Variants in A2M observed in about 807,000 individuals in gnomAD.
The protein encoded by A2M is alpha-2-macroglobulin.
Under a neutral mutation model 183.9 loss-of-function variants are expected in A2M, and 128 were observed. The ratio of observed to expected loss-of-function variants is 0.70; its 90% CI spans 0.60 to 0.81. A2M has a LOEUF of 0.81. Ranked by LOEUF, A2M falls within the 30% of genes least tolerant of loss-of-function variation. The probability of loss-of-function intolerance (pLI) is 0.00; values close to 1 mark genes in which losing one functional copy is unlikely to be tolerated. For missense variants in A2M, 1,495 were observed against 1,787.6 expected (o/e 0.84, Z 2.95); for synonymous variants, 592 against 670.8 (o/e 0.88, Z 1.81).
chr12:9,093,688 A>T, intron 17 of A2M, 109 bp from the exon 18 acceptor site: 1 of 624,704 alleles, frequency 1.6e-6, no homozygotes, highest in Non-Finnish European at 2.5e-6. Flanking sequence ...TCGTCTGATG[A>T]AATAGAGAGG....
At chr12:9,110,220 A>G in intron 5 of A2M, 94 bp downstream of exon 5, 2 of 1,189,678 alleles carry the variant, frequency 1.7e-6, no homozygotes, top group Non-Finnish European at 2.4e-6. Context: ...CTTTAATGAC[A>G]AGTTTCTGAG....
chr12:9,080,334 A>C (rs1948873950), intron 22 of A2M, 157 bp from the exon 23 acceptor site: 1 of 411,116 alleles, frequency 2.4e-6, no homozygotes, highest in East Asian at 3.6e-5. Flanking sequence ...AATATCTTAA[A>C]AATGGGCTAC....
intron 29 of A2M, 23 bp from the exon 30 acceptor site, chr12:9,072,894 A>C: frequency 6.3e-7 from 1 of 1,599,620 alleles, no homozygotes; most frequent in East Asian, 2.2e-5. Flanking sequence ...GATGAGTGAG[A>C]GAACCCATTG....
chr12:9,083,423 A>G (rs1948966909), intron 22 of A2M, among the ~76,000 whole-genome samples: 1 of 152,160 alleles, frequency 6.6e-6, no homozygotes, highest in African/African-American at 2.4e-5. Flanking sequence ...TCTGCAACTT[A>G]GCTAATATTG....
Position 9,076,751 on chromosome 12 carries a change from C to T in A2M, c.3532+5G>A. ...CCAGGAGAAGGATCTCAGGTGTGCT[C>T]TCACCTTTCTTCACAGCTTCCTCAT... is the stretch of plus-strand genomic sequence containing the variant. On this transcript the variant is annotated splice_donor_5th_base_variant and intron_variant, in intron 28 of 35. Coordinates refer to ENST00000318602, the MANE Select transcript of A2M (RefSeq NM_000014.6). 6.2e-7 allele frequency: 1 copy of T among 1,613,836 alleles called. No homozygotes were observed. Among genetic ancestry groups the T allele is most frequent in the African/African-American group, 1.3e-5 (1 of 75,042 alleles).
At chr12:9,076,676 A>T in intron 28 of A2M, 80 bp downstream of exon 28, 1 of 1,316,796 alleles carries the variant, frequency 7.6e-7, no homozygotes, top group Non-Finnish European at 1.1e-6. Context: ...GGATCACAGG[A>T]GGTAGGAGTG....
intron 22 of A2M, among the ~76,000 whole-genome samples, chr12:9,083,386 T>TA (rs777468305): frequency 1.6e-4 from 23 of 141,512 alleles, no homozygotes; most frequent in South Asian, 6.6e-4. Context: ...ACTTAAAGTA[T>TA]AAAAAAAAAA....
chr12:9,092,366 G>C (rs955293481), intron 18 of A2M, among the ~76,000 whole-genome samples: 5 of 152,168 alleles, frequency 3.3e-5, no homozygotes, highest in African/African-American at 1.2e-4. Flanking sequence ...AGTGAACACA[G>C]AGGTGGTTTT....
chr12:9,096,051 G>A lies in A2M; in HGVS notation c.1852-351C>T, dbSNP rs548449531. Among the ~76,000 whole-genome samples, 320 of 152,186 alleles carry A rather than the reference G, an allele frequency of 2.1e-3. 15 individuals carry two copies. In the South Asian group the frequency reaches 0.064, roughly 30 times the overall value. ...TGGGATTACAGGCGTGAGCCACCGC[G>A]CCCGGCCTTTGTGACATTTTTTAAG... On this transcript the variant is annotated intron_variant, in intron 15 of 35. Transcript: ENST00000318602.
chr12:9,109,587 A>G (rs1938570291), intron 6 of A2M, among the ~76,000 whole-genome samples, 182 bp from the exon 7 acceptor site: 1 of 152,222 alleles, frequency 6.6e-6, no homozygotes, highest in Non-Finnish European at 1.5e-5. Context: ...GGACTATGAG[A>G]GATCACTGTG....
At chr12:9,073,233 C>G (rs1592330701) in intron 29 of A2M, among the ~76,000 whole-genome samples, 1 of 152,240 alleles carries the variant, frequency 6.6e-6, no homozygotes, top group Admixed American at 6.5e-5. Flanking sequence ...TCTGCCACCA[C>G]TCAAGCAAAG....
At chr12:9,089,854 C>T (rs767179910) in intron 21 of A2M, 48 bp downstream of exon 21, 3 of 1,229,538 alleles carry the variant, frequency 2.4e-6, no homozygotes, top group Non-Finnish European at 3.4e-6. Context: ...ATATTACCCA[C>T]ATATATTATA....
intron 28 of A2M, among the ~76,000 whole-genome samples, chr12:9,075,659 T>C (rs1805659): frequency 0.38 from 57,495 of 152,044 alleles, 11,616 homozygotes; most frequent in African/African-American, 0.49. Context: ...GTTTCTTGAA[T>C]AAGAGAGAAA....
At chr12:9,108,417 C>T (rs1033333243) in intron 7 of A2M, among the ~76,000 whole-genome samples, 6 of 152,128 alleles carry the variant, frequency 3.9e-5, no homozygotes, top group Non-Finnish European at 7.3e-5. Context: ...TGAGCCACCA[C>T]GCCGGGCCTG....
rs971224260 is a variant in A2M, at chr12:9,113,453, A to C, written c.177T>G (p.Thr59=). The change falls in exon 2 of 36, where the codon ACT becomes ACG. Residue 59 remains threonine (T), a synonymous_variant. Coordinates refer to ENST00000318602, the MANE Select transcript of A2M (RefSeq NM_000014.6). ...VLLSYLNETV[T]VSASLESVRG... is the part of the protein sequence containing the mutation. ...TGACAGACTCCAAGGAAGCACTTACAGTCACTGTCTCATTCAGGTAGCTCA... is the reference window on the plus strand; with the variant it reads ...TGACAGACTCCAAGGAAGCACTTACCGTCACTGTCTCATTCAGGTAGCTCA... The C allele has an allele frequency of 1.1e-5, 18 of 1,613,898 alleles. No individual in the cohort carries two copies. The highest frequency in any genetic ancestry group is 1.5e-5 in the Non-Finnish European group (18 of 1,179,942).
chr12:9,090,619 C>T (rs1949181803), intron 19 of A2M, 137 bp from the exon 20 acceptor site: 1 of 857,150 alleles, frequency 1.2e-6, no homozygotes, highest in African/African-American at 1.7e-5. Flanking sequence ...AGATCAAGTA[C>T]CTGAAATATA....
At position 9,106,533 on chromosome 12, in the gene A2M, T is replaced by C. The variant is rs1465939580; in HGVS notation, c.952A>G (p.Met318Val). ...ATCTGGGCCTCAGTGTGAAGTTTCATTTCATACTCCTTCCTCTTCAGCTGG... is the reference window on the plus strand; with the variant it reads ...ATCTGGGCCTCAGTGTGAAGTTTCACTTCATACTCCTTCCTCTTCAGCTGG... ...VFQLKRKEYEMKLHTEAQIQE... is the reference protein window; with the variant it reads ...VFQLKRKEYEVKLHTEAQIQE... Residue 318 changes from methionine to valine, a missense_variant, in exon 9 of 36, where the codon ATG becomes GTG. Transcript: ENST00000318602. 6.3e-7 allele frequency: 1 copy of C among 1,599,132 alleles called. No individual in the cohort carries two copies. The highest frequency in any genetic ancestry group is 8.5e-7 in the Non-Finnish European group (1 of 1,171,484).
intron 22 of A2M, among the ~76,000 whole-genome samples, chr12:9,088,956 T>C (rs1405442242): frequency 6.6e-6 from 1 of 152,220 alleles, no homozygotes; most frequent in Non-Finnish European, 1.5e-5. Context: ...TACCATACAC[T>C]GGTCAGAAAG....
At position 9,101,197 on chromosome 12, in the gene A2M, T is replaced by C. The variant is rs776781242; in HGVS notation, c.1505A>G (p.Lys502Arg). Residue 502 changes from lysine to arginine, a missense_variant, in exon 13 of 36, where the codon AAG becomes AGG. Lys to Arg is a conservative substitution (Grantham distance 26). Transcript: ENST00000318602. ...KLSFYYLIMA[K>R]GGIVRTGTHG... is the part of the protein sequence containing the mutation. ...AGTCCCAGTTCGGACAATGCCTCCC[T>C]TTGCCATTATCTGCAAAAAAGGAAA... The C allele has an allele frequency of 1.3e-6, 2 of 1,559,290 alleles. No individual in the cohort carries two copies. The highest frequency in any genetic ancestry group is 1.7e-6 in the Non-Finnish European group (2 of 1,150,868).
Sources: gnomAD v4.1 joint callset for allele counts (sites outside exome capture counted in the v4.1 genomes callset) on GRCh38, gnomAD v4.1.1 for gene constraint, MANE v1.5 for transcripts, NCBI Gene and HGNC (gene_info 2026-07-23, HGNC 2026-07-21) for gene names.